Variants in ZNF474 observed in about 807,000 individuals in gnomAD.
The protein encoded by ZNF474 is zinc finger protein 474, also known as 4933409D10Rik.
For missense variants in ZNF474, 511 were observed against 433.8 expected, an observed-to-expected ratio of 1.18 and a Z score of -1.58; for synonymous variants, 192 against 162.2, an observed-to-expected ratio of 1.18 and a Z score of -1.39.
chr5:122,136,778 T>C (rs569793189), intron 1 of ZNF474, among the ~76,000 whole-genome samples: 1 of 152,366 alleles, frequency 6.6e-6, no homozygotes, highest in Admixed American at 6.5e-5. Context: ...ACACTTCTTT[T>C]CCAAAAGCCC....
chr5:122,136,819 T>G (rs549039178), intron 1 of ZNF474, among the ~76,000 whole-genome samples: 1 of 152,326 alleles, frequency 6.6e-6, no homozygotes, highest in African/African-American at 2.4e-5. Context: ...ATATAAATAA[T>G]GAACTTCAGT....
intron 1 of ZNF474, among the ~76,000 whole-genome samples, chr5:122,146,212 G>A (rs1755985521): frequency 6.6e-6 from 1 of 152,156 alleles, no homozygotes; most frequent in Admixed American, 6.5e-5. Flanking sequence ...AATGGGCTGT[G>A]CATAGTCCCT....
chr5:122,135,467 G>T (rs1755677989), intron 1 of ZNF474, among the ~76,000 whole-genome samples: 1 of 152,150 alleles, frequency 6.6e-6, no homozygotes, highest in African/African-American at 2.4e-5. Context: ...AGGTAAAATG[G>T]ATTTTATCAG....
intron 1 of ZNF474, among the ~76,000 whole-genome samples, chr5:122,134,285 G>C (rs1755645553): frequency 6.6e-6 from 1 of 152,312 alleles, no homozygotes; most frequent in Non-Finnish European, 1.5e-5. Flanking sequence ...GGTCCCCCAA[G>C]GTGCAATGCA....
Position 122,153,044 on chromosome 5 carries a change from C to T in ZNF474, c.1054C>T (p.Gln352Ter), listed in dbSNP as rs759608316. The T allele has an allele frequency of 6.2e-7, 1 of 1,613,992 alleles. No homozygotes were observed. The highest frequency in any genetic ancestry group is 8.5e-7 in the Non-Finnish European group (1 of 1,179,922). ...SVTDKVIHAT[Q>*]DALGEPGGAL... ...AACTGATAAGGTAATTCATGCCACACAAGACGCATTAGGTGAACCTGGTGG... is the reference window on the plus strand; with the variant it reads ...AACTGATAAGGTAATTCATGCCACATAAGACGCATTAGGTGAACCTGGTGG... Residue 352 changes from glutamine (Q) to a stop codon, truncating the protein, a stop_gained, in exon 2 of 2, where the codon CAA (glutamine) becomes TAA (stop). Coordinates refer to ENST00000296600, the MANE Select transcript of ZNF474 (RefSeq NM_207317.3). LOFTEE classifies it low-confidence loss of function (END_TRUNC).
intron 1 of ZNF474, among the ~76,000 whole-genome samples, chr5:122,144,527 G>A (rs1288940038): frequency 6.6e-6 from 1 of 152,128 alleles, no homozygotes; most frequent in Non-Finnish European, 1.5e-5. Context: ...CTTATTTTAT[G>A]TGACATCTCC....
At chr5:122,130,134 A>G (rs1755543962) in intron 1 of ZNF474, among the ~76,000 whole-genome samples, 1 of 152,212 alleles carries the variant, frequency 6.6e-6, no homozygotes. Flanking sequence ...GGGGTATTAA[A>G]GGCTATAATT....
Position 122,153,120 on chromosome 5 carries a change from C to T in ZNF474, c.*35C>T. ...AGAAAACTATCCCCAGAATCAGCCA[C>T]CTCAGCCCCTAGTATTTTTTCTATC... On this transcript the variant is annotated 3_prime_UTR_variant, in exon 2 of 2. Coordinates refer to ENST00000296600, the MANE Select transcript of ZNF474 (RefSeq NM_207317.3). 2 of 1,563,944 alleles carry T rather than the reference C, an allele frequency of 1.3e-6. No homozygotes were observed. The highest frequency in any genetic ancestry group is 2.2e-5 in the East Asian group (1 of 44,466).
chr5:122,136,253 G>T (rs1159483930), intron 1 of ZNF474, among the ~76,000 whole-genome samples: 1 of 152,082 alleles, frequency 6.6e-6, no homozygotes, highest in Non-Finnish European at 1.5e-5. Context: ...TCATACCTAT[G>T]CCATAAATAT....
chr5:122,129,717 C>CCCCT (rs1387584828), intron 1 of ZNF474, 34 bp downstream of exon 1: 2 of 152,226 alleles, frequency 1.3e-5, no homozygotes, highest in Non-Finnish European at 2.9e-5. Context: ...GAGGCTCTCG[C>CCCCT]AGGGTGTGTG....
At chr5:122,148,914 G>T (rs1756065055) in intron 1 of ZNF474, among the ~76,000 whole-genome samples, 1 of 151,942 alleles carries the variant, frequency 6.6e-6, no homozygotes, top group Non-Finnish European at 1.5e-5. Context: ...ATTTCTAGTA[G>T]AGACGGGGAT....
rs1349848354 is a variant in ZNF474 at position 122,152,331 on chromosome 5, C to G, written c.341C>G (p.Pro114Arg). 2 of 1,614,158 alleles carry G rather than the reference C, an allele frequency of 1.2e-6. No individual in the cohort carries two copies. The highest frequency in any genetic ancestry group is 2.7e-5 in the African/African-American group (2 of 75,036). ...TCCCAGTCAATTGCCATTCATGAAC[C>G]CCAGTGCTTGCAGAAGTGGCATATT... ...FGSQSIAIHE[P>R]QCLQKWHIEN... Residue 114 changes from proline to arginine, a missense_variant, in exon 2 of 2, where the codon CCC becomes CGC. Physicochemically the swap from Pro to Arg is moderately radical, Grantham distance 103. Transcript: ENST00000296600.
At chr5:122,142,902 T>C (rs1744847536) in intron 1 of ZNF474, among the ~76,000 whole-genome samples, 1 of 151,932 alleles carries the variant, frequency 6.6e-6, no homozygotes, top group Non-Finnish European at 1.5e-5. Context: ...TATCAGAAAA[T>C]AGAGGCACAT....
Position 122,151,979 on chromosome 5 carries a change from A to C in ZNF474, c.-12A>C. On this transcript the variant is annotated 5_prime_UTR_variant, in exon 2 of 2. Coordinates refer to ENST00000296600, the MANE Select transcript of ZNF474 (RefSeq NM_207317.3). ...AAATCAGAGCAAGCACTACAGAAAG[A>C]CATCTTTGTTAATGGAAAGAGGAAA... 6.2e-7 allele frequency: 1 copy of C among 1,603,296 alleles called. No homozygotes were observed. The highest frequency in any genetic ancestry group is 8.5e-7 in the Non-Finnish European group (1 of 1,177,186).
chr5:122,137,587 T>C lies in ZNF474; in HGVS notation c.-213+7904T>C, dbSNP rs184710458. 1.1e-3 allele frequency among the ~76,000 whole-genome samples: 160 copies of C among 150,140 alleles called. 1 individual carries two copies. The highest frequency in any genetic ancestry group is 5.3e-3 in the Admixed American group (79 of 15,012). On this transcript the variant is annotated intron_variant, in intron 1 of 1. Coordinates refer to ENST00000296600, the MANE Select transcript of ZNF474 (RefSeq NM_207317.3). ...AAGATTCTAGGCAATGGCAAGAGCA[T>C]GTGCAAAGCCTCTTCCCAGTCCCTC...
intron 1 of ZNF474, among the ~76,000 whole-genome samples, chr5:122,131,255 T>C (rs1755568810): frequency 6.6e-6 from 1 of 152,160 alleles, no homozygotes; most frequent in African/African-American, 2.4e-5. Context: ...AATATGGAAG[T>C]TCCTCAAAAA....
Position 122,152,283 on chromosome 5 carries a change from A to T in ZNF474, c.293A>T (p.Tyr98Phe). 1 of 1,614,190 alleles carries T rather than the reference A, an allele frequency of 6.2e-7. No individual in the cohort carries two copies. The highest frequency in any genetic ancestry group is 1.1e-5 in the South Asian group (1 of 91,088). The change falls in exon 2 of 2, where the codon TAT (tyrosine) becomes TTT (phenylalanine). Residue 98 changes from tyrosine (Y) to phenylalanine (F), a missense_variant. Coordinates refer to ENST00000296600, the MANE Select transcript of ZNF474 (RefSeq NM_207317.3). Reference sequence around the variant, plus strand: ...CGCAGGCCTGGATTCCGGGTATGCTATATCTGTGGCCGAGAATTTGGGTCC... The same window carrying T: ...CGCAGGCCTGGATTCCGGGTATGCTTTATCTGTGGCCGAGAATTTGGGTCC... Reference protein sequence around the residue: ...PARRPGFRVCYICGREFGSQS... With the variant: ...PARRPGFRVCFICGREFGSQS...
chr5:122,134,625 G>T (rs1755656123), intron 1 of ZNF474, among the ~76,000 whole-genome samples: 1 of 152,162 alleles, frequency 6.6e-6, no homozygotes, highest in Non-Finnish European at 1.5e-5. Flanking sequence ...ACGATGGCCA[G>T]ATTTATCCTG....
intron 1 of ZNF474, among the ~76,000 whole-genome samples, chr5:122,147,341 A>G (rs563447024): frequency 6.6e-6 from 1 of 152,308 alleles, no homozygotes; most frequent in African/African-American, 2.4e-5. Flanking sequence ...AAGGGATCAT[A>G]TCATGTATCA....
Sources: gnomAD v4.1 joint callset for allele counts (sites outside exome capture counted in the v4.1 genomes callset) on GRCh38, gnomAD v4.1.1 for gene constraint, MANE v1.5 for transcripts, NCBI Gene and HGNC (gene_info 2026-07-23, HGNC 2026-07-21) for gene names.